The following PRDM2 variants were observed in gnomAD, a reference collection of about 807,000 sequenced individuals.
The protein encoded by PRDM2 is PR/SET domain 2.
Under a neutral mutation model 130.0 loss-of-function variants are expected in PRDM2, and 30 were observed. The observed-to-expected ratio is 0.23, with a 90% CI of 0.17 to 0.31. The LOEUF (loss-of-function observed/expected upper bound fraction) is 0.31. Ranked by LOEUF, PRDM2 falls within the 10% of genes least tolerant of loss-of-function variation. The probability of loss-of-function intolerance (pLI) is 1.00; values close to 1 mark genes in which losing one functional copy is unlikely to be tolerated. For missense variants in PRDM2, 2,011 were observed against 2,108.4 expected, an observed-to-expected ratio of 0.95 and a Z score of 0.90; for synonymous variants, 871 against 782.4, an observed-to-expected ratio of 1.11 and a Z score of -1.89.
intron 8 of PRDM2, chr1:13,788,169 T>A (rs1424964022): frequency 1.1e-6 from 1 of 896,152 alleles, no homozygotes; most frequent in African/African-American, 1.8e-5. Flanking sequence ...GCCCGCACTC[T>A]AATTTAAAAG....
intron 6 of PRDM2, among the ~76,000 whole-genome samples, chr1:13,762,882 C>T (rs1301875269): frequency 6.6e-6 from 1 of 152,114 alleles, no homozygotes; most frequent in Non-Finnish European, 1.5e-5. Flanking sequence ...CAGCTGCAGG[C>T]AGGAGGTGGC....
chr1:13,815,171 A>G (rs558110781), intron 8 of PRDM2, among the ~76,000 whole-genome samples: 69 of 152,198 alleles, frequency 4.5e-4, no homozygotes, highest in African/African-American at 1.5e-3. Context: ...CAATGGAACA[A>G]TCTCGGCTCA....
chr1:13,711,824 G>C (rs577495663), intron 1 of PRDM2, among the ~76,000 whole-genome samples: 2 of 152,100 alleles, frequency 1.3e-5, no homozygotes, highest in Non-Finnish European at 2.9e-5. Flanking sequence ...GGAAGTAATA[G>C]GGAGGAGGCT....
At chr1:13,813,297 C>T (rs528498048) in intron 8 of PRDM2, among the ~76,000 whole-genome samples, 1 of 152,244 alleles carries the variant, frequency 6.6e-6, no homozygotes, top group African/African-American at 2.4e-5. Flanking sequence ...TGCTACTGTG[C>T]CCTGGAGAAG....
intron 6 of PRDM2, among the ~76,000 whole-genome samples, chr1:13,751,525 C>CTTTTTTTTT (rs572259778): frequency 7.8e-6 from 1 of 128,182 alleles, no homozygotes. Context: ...GAAATGGAGT[C>CTTTTTTTTT]TTTTTTTTTT....
At chr1:13,718,314 A>G (rs1220294597) in intron 2 of PRDM2, among the ~76,000 whole-genome samples, 2 of 152,198 alleles carry the variant, frequency 1.3e-5, no homozygotes, top group Non-Finnish European at 2.9e-5. Flanking sequence ...CTCAAAGACA[A>G]TAGCATAGAA....
At chr1:13,800,848 T>C (rs1254828588) in intron 8 of PRDM2, among the ~76,000 whole-genome samples, 2 of 152,136 alleles carry the variant, frequency 1.3e-5, no homozygotes, top group Non-Finnish European at 2.9e-5. Context: ...TCCATTGAGC[T>C]CCTGCTCTGT....
chr1:13,783,041 G>A, intron 8 of PRDM2: 2 of 1,166,256 alleles, frequency 1.7e-6, no homozygotes, highest in East Asian at 2.7e-5. Context: ...GACTCACAAA[G>A]CAGTGCCACT....
chr1:13,760,671 A>T (rs1644075510), intron 6 of PRDM2, among the ~76,000 whole-genome samples: 1 of 152,098 alleles, frequency 6.6e-6, no homozygotes, highest in African/African-American at 2.4e-5. Flanking sequence ...TTGGTCCTTA[A>T]TTTTTCTGTC....
At position 13,700,293 on chromosome 1, in the gene PRDM2, GGGCGCGGGTAAGGAGT is replaced by G. The variant is rs1553152096; in HGVS notation, c.-66+3_-66+18del. 6.7e-6 allele frequency: 1 copy of G among 149,668 alleles called. No individual in the cohort carries two copies. Among genetic ancestry groups the G allele is most frequent in the African/African-American group, 2.4e-5 (1 of 41,156 alleles). 9.3% of individuals were successfully genotyped at this position (149,668 alleles called of 1,614,324 possible). A position where few individuals can be genotyped will look rare whatever the true frequency, so the allele number is the denominator to read the frequency against. ...CGGTGCTCTGAGGCGCTGGCGCGGC[GGGCGCGGGTAAGGAGT>G]GGCGCGGGTGGGCGGCCTCTGGGCT... On this transcript the variant is annotated splice_donor_variant and splice_donor_5th_base_variant and 5_prime_UTR_variant and intron_variant, in exon 1 of 10. Transcript: ENST00000311066. LOFTEE classifies it low-confidence loss of function (5UTR_SPLICE).
intron 1 of PRDM2, chr1:13,704,819 A>G (rs1642159785): frequency 6.6e-6 from 1 of 152,254 alleles, no homozygotes; most frequent in Non-Finnish European, 1.5e-5. Flanking sequence ...GACCTTGTTA[A>G]GAGAATGTAA....
At chr1:13,756,779 A>G (rs1172438071) in intron 6 of PRDM2, among the ~76,000 whole-genome samples, 1 of 152,214 alleles carries the variant, frequency 6.6e-6, no homozygotes, top group South Asian at 2.1e-4. Context: ...GATGGTGACA[A>G]TGACAGCAGT....
intron 8 of PRDM2, among the ~76,000 whole-genome samples, chr1:13,799,589 G>A (rs1428124435): frequency 2.0e-5 from 3 of 152,194 alleles, no homozygotes; most frequent in African/African-American, 7.2e-5. Context: ...TTTAGTTTGA[G>A]CGACCCACCA....
intron 8 of PRDM2, among the ~76,000 whole-genome samples, chr1:13,814,080 C>T (rs1039173541): frequency 6.6e-6 from 1 of 152,192 alleles, no homozygotes; most frequent in African/African-American, 2.4e-5. Context: ...AGGGGACCTG[C>T]TCTTTGCCAG....
intron 7 of PRDM2, among the ~76,000 whole-genome samples, chr1:13,777,908 A>T (rs1160597224): frequency 6.6e-6 from 1 of 152,048 alleles, no homozygotes; most frequent in Non-Finnish European, 1.5e-5. Flanking sequence ...AGCTTCTGAG[A>T]ATAACATTTT....
intron 1 of PRDM2, among the ~76,000 whole-genome samples, chr1:13,703,301 A>G (rs574730566): frequency 2.0e-5 from 3 of 152,330 alleles, no homozygotes; most frequent in East Asian, 1.9e-4. Flanking sequence ...CCTGTCCTCT[A>G]TCAGGGAGAT....
At chr1:13,786,645 T>A in intron 8 of PRDM2, 1 of 1,556,854 alleles carries the variant, frequency 6.4e-7, no homozygotes, top group Non-Finnish European at 8.6e-7. Context: ...CAGTTGAAGC[T>A]GACTCAAAAA....
intron 8 of PRDM2, among the ~76,000 whole-genome samples, chr1:13,792,693 A>C (rs1260048498): frequency 6.6e-6 from 1 of 152,206 alleles, no homozygotes; most frequent in African/African-American, 2.4e-5. Flanking sequence ...TGTAGATCTG[A>C]AGGACTTTGT....
chr1:13,736,324 G>A (rs1643271715), intron 4 of PRDM2, among the ~76,000 whole-genome samples: 1 of 151,924 alleles, frequency 6.6e-6, no homozygotes, highest in South Asian at 2.1e-4. Context: ...ATGTTGCCCA[G>A]GCTGGTCTTG....
Sources: gnomAD v4.1 joint callset for allele counts (sites outside exome capture counted in the v4.1 genomes callset) on GRCh38, gnomAD v4.1.1 for gene constraint, MANE v1.5 for transcripts, NCBI Gene and HGNC (gene_info 2026-07-23, HGNC 2026-07-21) for gene names.